Variants in ELFN1 observed in about 807,000 individuals in gnomAD.
The protein encoded by ELFN1 is extracellular leucine rich repeat and fibronectin type III domain containing 1, also known as protein ELFN1.
Under a neutral mutation model 7.6 loss-of-function variants are expected in ELFN1, and 6 were observed. The observed-to-expected ratio is 0.79, with a 90% CI of 0.43 to 1.56. The LOEUF (loss-of-function observed/expected upper bound fraction) is 1.56. Ranked by LOEUF, ELFN1 falls within the 40% of genes most tolerant of loss-of-function variation. The pLI, the probability that ELFN1 is intolerant of heterozygous loss-of-function variation, is 0.01. For synonymous variants in ELFN1, 657 were observed against 588.1 expected (o/e 1.12, Z -1.70); for missense variants, 1,169 against 1,232.2 (o/e 0.95, Z 0.77).
intron 1 of ELFN1, among the ~76,000 whole-genome samples, chr7:1,677,430 G>T (rs1049187446): frequency 6.6e-6 from 1 of 152,214 alleles, no homozygotes; most frequent in African/African-American, 2.4e-5. Flanking sequence ...GTGCAGATGG[G>T]TGTCCAAGTG....
chr7:1,685,186 C>T (rs1260805471), intron 1 of ELFN1, among the ~76,000 whole-genome samples: 1 of 152,072 alleles, frequency 6.6e-6, no homozygotes, highest in Non-Finnish European at 1.5e-5. Flanking sequence ...AGAAATCAGC[C>T]ATTTATCATA....
chr7:1,708,554 G>A (rs1694455842), intron 2 of ELFN1, among the ~76,000 whole-genome samples: 1 of 152,206 alleles, frequency 6.6e-6, no homozygotes, highest in African/African-American at 2.4e-5. Context: ...GAGGTGCCAG[G>A]GAGAGGGCCC....
chr7:1,713,752 G>T (rs6460788), intron 3 of ELFN1, among the ~76,000 whole-genome samples: 3,785 of 151,308 alleles, frequency 0.025, 169 homozygotes, highest in African/African-American at 0.087. Flanking sequence ...TCTCTGGGGA[G>T]GGGGGGGCGA....
chr7:1,668,674 A>G (rs984500501), upstream of ELFN1, among the ~76,000 whole-genome samples: 1 of 152,154 alleles, frequency 6.6e-6, no homozygotes, highest in South Asian at 2.1e-4. Flanking sequence ...TGCCCCGCTC[A>G]CCGCCGGCCT....
intron 2 of ELFN1, chr7:1,693,724 C>T (rs1243551527): frequency 4.2e-6 from 2 of 471,008 alleles, no homozygotes; most frequent in Non-Finnish European, 8.8e-6. Context: ...CTCACCCTCC[C>T]GCTCGTCCCC....
At chr7:1,691,457 C>T (rs530799321) in intron 2 of ELFN1, among the ~76,000 whole-genome samples, 13 of 152,174 alleles carry the variant, frequency 8.5e-5, no homozygotes, top group South Asian at 2.1e-4. Context: ...CTGAGATATT[C>T]GGTTGGGTAA....
At chr7:1,727,473 T>C (rs1007468712) in intron 3 of ELFN1, among the ~76,000 whole-genome samples, 2 of 151,082 alleles carry the variant, frequency 1.3e-5, no homozygotes, top group Non-Finnish European at 2.9e-5. Flanking sequence ...CCTTCAGTAG[T>C]GGGGTGCCCC....
chr7:1,695,762 A>AAC lies in ELFN1; in HGVS notation c.-456+7613_-456+7614insCA, dbSNP rs534828356. 3.0e-4 allele frequency among the ~76,000 whole-genome samples: 46 copies of AAC among 151,086 alleles called. No individual in the cohort carries two copies. In the South Asian group the frequency reaches 9.6e-3, roughly 32 times the overall value. On this transcript the variant is annotated intron_variant, in intron 2 of 3. Coordinates refer to ENST00000424383, the MANE Select transcript of ELFN1 (RefSeq NM_001128636.4). This position sits in a 1 kb window ranked among gnomAD's most constrained non-coding sequence, Gnocchi z 5.1. ...GACTCCGTGTCAAAAAAAAAAAAAA[A>AAC]AAAAAAAAAACCGTGCTGGTTTGGT... is the stretch of plus-strand genomic sequence containing the variant.
chr7:1,736,729 A>G (rs897234667), intron 3 of ELFN1, among the ~76,000 whole-genome samples: 1 of 152,112 alleles, frequency 6.6e-6, no homozygotes, highest in Non-Finnish European at 1.5e-5. Flanking sequence ...CAACAATTTC[A>G]TGTTAGGATG....
intron 2 of ELFN1, chr7:1,693,340 G>T (rs1354044991): frequency 2.2e-6 from 1 of 462,054 alleles, no homozygotes; most frequent in Non-Finnish European, 4.6e-6. Context: ...AAGAGTCTGG[G>T]CAGGCGTGGG....
intron 2 of ELFN1, among the ~76,000 whole-genome samples, chr7:1,694,724 G>A (rs118015415): frequency 0.011 from 1,748 of 152,296 alleles, 12 homozygotes; most frequent in Middle Eastern, 0.02. Flanking sequence ...ACACCAAGAC[G>A]TCACTGTCAC....
At chr7:1,696,599 C>T (rs949445063) in intron 2 of ELFN1, among the ~76,000 whole-genome samples, 3 of 152,052 alleles carry the variant, frequency 2.0e-5, no homozygotes, top group Non-Finnish European at 2.9e-5. Context: ...GATGGAGTTT[C>T]GCTATGTTGC....
intron 1 of ELFN1, among the ~76,000 whole-genome samples, chr7:1,672,770 G>A (rs1778791880): frequency 1.3e-5 from 2 of 152,002 alleles, no homozygotes; most frequent in South Asian, 4.2e-4. Flanking sequence ...GTAGGGGACT[G>A]TGTTTCTCCG....
intron 1 of ELFN1, among the ~76,000 whole-genome samples, chr7:1,672,048 G>C (rs1194442271): frequency 6.6e-6 from 1 of 152,196 alleles, no homozygotes; most frequent in Admixed American, 6.5e-5. Flanking sequence ...CAGCTGTGCA[G>C]CCCCCTCCTC....
chr7:1,744,238 C>T (rs1476600803), intron 3 of ELFN1, 66 bp from the exon 4 acceptor site: 7 of 276,638 alleles, frequency 2.5e-5, no homozygotes, highest in Non-Finnish European at 4.0e-5. Flanking sequence ...TGTGAGATGC[C>T]GGCCGTCCCC....
intron 1 of ELFN1, among the ~76,000 whole-genome samples, chr7:1,683,906 TGGGAGG>T (rs1779016743): frequency 6.6e-6 from 1 of 152,160 alleles, no homozygotes; most frequent in African/African-American, 2.4e-5. Context: ...CCCAGCACTT[TGGGAGG>T]CCAAGGCAGG....
intron 3 of ELFN1, among the ~76,000 whole-genome samples, chr7:1,725,984 CAT>C (rs765699405): frequency 7.9e-5 from 12 of 152,238 alleles, no homozygotes; most frequent in South Asian, 2.1e-4. Flanking sequence ...ATCACACACA[CAT>C]AGTACAGTCT....
chr7:1,710,134 A>T (rs1164996823), intron 3 of ELFN1, among the ~76,000 whole-genome samples: 1 of 152,244 alleles, frequency 6.6e-6, no homozygotes, highest in African/African-American at 2.4e-5. Context: ...TTCCTCAATA[A>T]ATAGCTTGTC....
At chr7:1,697,922 A>G (rs1202406762) in intron 2 of ELFN1, among the ~76,000 whole-genome samples, 1 of 152,176 alleles carries the variant, frequency 6.6e-6, no homozygotes, top group Non-Finnish European at 1.5e-5. Context: ...TGTGGGAAGA[A>G]AGGAGAGACA....
Sources: allele counts gnomAD v4.1 joint callset (sites outside exome capture counted in the v4.1 genomes callset), GRCh38; gene constraint gnomAD v4.1.1; non-coding constraint Gnocchi (gnomAD v3.1); transcripts MANE v1.5; gene names NCBI Gene and HGNC (gene_info 2026-07-23, HGNC 2026-07-21).